INPP5A: variants seen among roughly 807,000 people sequenced by gnomAD.
INPP5A encodes 43 kDa inositol polyphosphate 5-phophatase.
In INPP5A, 14 loss-of-function variants were observed where a neutral mutation model predicts 65.2. That is an observed-to-expected ratio of 0.21 (90% CI 0.14 to 0.34). The LOEUF (loss-of-function observed/expected upper bound fraction) is 0.34. INPP5A is among the 10% of genes least tolerant of loss of function. The pLI, the probability that INPP5A is intolerant of heterozygous loss-of-function variation, is 1.00. For synonymous variants in INPP5A, 207 were observed against 208.3 expected, an observed-to-expected ratio of 0.99 and a Z score of 0.05; for missense variants, 431 against 545.6, an observed-to-expected ratio of 0.79 and a Z score of 2.09.
chr10:132,655,561 C>T (rs559229590), intron 4 of INPP5A, among the ~76,000 whole-genome samples: 5 of 152,346 alleles, frequency 3.3e-5, no homozygotes, highest in East Asian at 3.9e-4. Context: ...CGCAGGGTAA[C>T]GGCTTTCCTG....
intron 1 of INPP5A, among the ~76,000 whole-genome samples, chr10:132,606,244 AC>A (rs2071847361): frequency 6.6e-6 from 1 of 150,852 alleles, no homozygotes; most frequent in African/African-American, 2.4e-5. Flanking sequence ...CAGTGGCGGG[AC>A]AGCGGCGTGG....
chr10:132,649,990 A>T (rs1486615986), intron 3 of INPP5A, among the ~76,000 whole-genome samples: 1 of 152,108 alleles, frequency 6.6e-6, no homozygotes, highest in Middle Eastern at 3.2e-3. Flanking sequence ...GGACAGAACT[A>T]CCTGGGCCCT....
intron 1 of INPP5A, among the ~76,000 whole-genome samples, chr10:132,573,047 CGT>C (rs1406347869): frequency 4.9e-3 from 587 of 119,268 alleles, no homozygotes; most frequent in Middle Eastern, 0.025. Flanking sequence ...GTGTACGTGC[CGT>C]GTGAGGTTTT....
chr10:132,687,642 GGGT>G (rs1845159391), intron 4 of INPP5A, among the ~76,000 whole-genome samples: 2 of 152,230 alleles, frequency 1.3e-5, no homozygotes, highest in Non-Finnish European at 2.9e-5. Flanking sequence ...GCTCCCATCT[GGGT>G]GGTGGCCAGG....
In INPP5A at chr10:132,762,482, C is replaced by T. The variant is rs1014963665; in HGVS notation, c.904-3291C>T. Among the ~76,000 whole-genome samples the T allele has an allele frequency of 2.2e-4, 34 of 152,268 alleles. No individual in the cohort carries two copies. Among genetic ancestry groups the T allele is most frequent in the African/African-American group, 7.9e-4 (33 of 41,554 alleles). ...GCTGGTGGAAAACCCCACCCACACA[C>T]TTAGAGTTCTCTCAGCAGCCAAGTC... On this transcript the variant is annotated intron_variant, in intron 11 of 15. Transcript: ENST00000368594. The surrounding 1 kb of genome is among the most constrained non-coding windows in gnomAD (Gnocchi z 4.6).
chr10:132,696,372 A>G (rs747660248), intron 5 of INPP5A, among the ~76,000 whole-genome samples: 3 of 152,216 alleles, frequency 2.0e-5, no homozygotes, highest in Non-Finnish European at 2.9e-5. Flanking sequence ...AGAGTTTTGA[A>G]GAAGAAGAGC....
intron 11 of INPP5A, among the ~76,000 whole-genome samples, chr10:132,759,676 A>G (rs1397836115): frequency 6.7e-6 from 1 of 149,688 alleles, no homozygotes; most frequent in Non-Finnish European, 1.5e-5. Context: ...GTCCGGCTAC[A>G]GTGAACAGTC....
At chr10:132,734,326 G>A (rs1013869406) in intron 9 of INPP5A, among the ~76,000 whole-genome samples, 2 of 152,212 alleles carry the variant, frequency 1.3e-5, no homozygotes, top group African/African-American at 4.8e-5. Context: ...AAAAGTGGAC[G>A]AGGAATCCCT....
At chr10:132,759,678 T>C (rs1846695382) in intron 11 of INPP5A, among the ~76,000 whole-genome samples, 1 of 151,964 alleles carries the variant, frequency 6.6e-6, no homozygotes, top group Admixed American at 6.5e-5. Context: ...CCGGCTACAG[T>C]GAACAGTCTG....
chr10:132,732,496 T>TAA (rs924006535), intron 9 of INPP5A, among the ~76,000 whole-genome samples: 4 of 152,244 alleles, frequency 2.6e-5, no homozygotes, highest in African/African-American at 7.2e-5. Context: ...ACCTCTGGAA[T>TAA]AAGGACCGCT....
chr10:132,581,273 C>T lies in INPP5A; in HGVS notation c.76-26642C>T, dbSNP rs565611603. Among the ~76,000 whole-genome samples, 19 of 152,248 alleles carry T rather than the reference C, an allele frequency of 1.2e-4. 1 individual carries two copies. The highest frequency in any genetic ancestry group is 2.6e-4 in the African/African-American group (11 of 41,534). On this transcript the variant is annotated intron_variant, in intron 1 of 15. Transcript: ENST00000368594. ...ATAGCACATTTAGCTGTTCTCCTGT[C>T]GACAGGAGTTTCCTGTCCGGCCTCA...
chr10:132,642,310 C>A (rs773093423), intron 2 of INPP5A, among the ~76,000 whole-genome samples: 4 of 152,190 alleles, frequency 2.6e-5, no homozygotes, highest in Non-Finnish European at 5.9e-5. Flanking sequence ...GGGCTGGGGA[C>A]GACATCTGAG....
In INPP5A at chr10:132,750,383, G is replaced by A. The variant is rs1278295878; in HGVS notation, c.903+538G>A. On this transcript the variant is annotated intron_variant, in intron 11 of 15. Coordinates refer to ENST00000368594, the MANE Select transcript of INPP5A (RefSeq NM_005539.5). ...CATGAGCACGTGTGTAAACAAGTGC[G>A]TGTCAATGGGAATGTGCGGCTCAGG... 3.9e-5 allele frequency among the ~76,000 whole-genome samples: 6 copies of A among 152,232 alleles called. 1 individual carries two copies. Among genetic ancestry groups the A allele is most frequent in the East Asian group, 1.9e-4 (1 of 5,188 alleles).
At chr10:132,733,477 G>C (rs1360222090) in intron 9 of INPP5A, among the ~76,000 whole-genome samples, 2 of 152,234 alleles carry the variant, frequency 1.3e-5, no homozygotes, top group Non-Finnish European at 2.9e-5. Flanking sequence ...CAATTAGGTA[G>C]ATTATTGAAT....
chr10:132,758,079 G>C (rs1225403094), intron 11 of INPP5A, among the ~76,000 whole-genome samples: 1 of 142,634 alleles, frequency 7.0e-6, no homozygotes, highest in Non-Finnish European at 1.5e-5. Flanking sequence ...GTGGGTCCTT[G>C]GCTGACCCCA....
At chr10:132,609,264 C>T (rs559797865) in intron 2 of INPP5A, among the ~76,000 whole-genome samples, 4 of 152,350 alleles carry the variant, frequency 2.6e-5, no homozygotes, top group East Asian at 1.9e-4. Flanking sequence ...TAATGTGTGA[C>T]ATCATCTGCT....
intron 4 of INPP5A, among the ~76,000 whole-genome samples, chr10:132,658,440 G>A (rs1376763460): frequency 6.6e-6 from 1 of 152,106 alleles, no homozygotes; most frequent in Non-Finnish European, 1.5e-5. Flanking sequence ...TGTACATTTA[G>A]GCTTGACTCT....
At chr10:132,757,403 G>A (rs1169887030) in intron 11 of INPP5A, among the ~76,000 whole-genome samples, 3 of 152,222 alleles carry the variant, frequency 2.0e-5, no homozygotes, top group African/African-American at 7.2e-5. Context: ...CTACGTTTAG[G>A]TATGTTCAGA....
chr10:132,599,288 A>G (rs1290393179), intron 1 of INPP5A, among the ~76,000 whole-genome samples: 1 of 152,252 alleles, frequency 6.6e-6, no homozygotes, highest in Admixed American at 6.5e-5. Context: ...GGGTAAATAC[A>G]GCCGTTCCAA....
Sources: allele counts gnomAD v4.1 joint callset (sites outside exome capture counted in the v4.1 genomes callset), GRCh38; gene constraint gnomAD v4.1.1; non-coding constraint Gnocchi (gnomAD v3.1); transcripts MANE v1.5; gene names NCBI Gene and HGNC (gene_info 2026-07-23, HGNC 2026-07-21).